The following NUDC variants were observed in gnomAD, a reference collection of about 807,000 sequenced individuals.
NUDC encodes nuclear distribution C, dynein complex regulator.
Under a neutral mutation model 45.0 loss-of-function variants are expected in NUDC, and 14 were observed. The ratio of observed to expected loss-of-function variants is 0.31; its 90% CI spans 0.21 to 0.49. The LOEUF (loss-of-function observed/expected upper bound fraction) is 0.49, where lower values mean the gene tolerates loss of function less well. NUDC is among the 20% of genes least tolerant of loss of function. The probability of loss-of-function intolerance (pLI) is 0.99; values close to 1 mark genes in which losing one functional copy is unlikely to be tolerated. For synonymous variants in NUDC, 153 were observed against 156.7 expected (o/e 0.98, Z 0.17); for missense variants, 323 against 426.2 (o/e 0.76, Z 2.13).
chr1:26,918,279 C>CTTT (rs749407425), upstream of NUDC, among the ~76,000 whole-genome samples: 24 of 113,794 alleles, frequency 2.1e-4, no homozygotes, highest in Non-Finnish European at 2.9e-4. Flanking sequence ...TCAAGTGATT[C>CTTT]TTTTTTTTTT....
intron 6 of NUDC, among the ~76,000 whole-genome samples, chr1:26,944,487 T>G (rs949600100): frequency 6.6e-6 from 1 of 152,128 alleles, no homozygotes; most frequent in Non-Finnish European, 1.5e-5. Context: ...TAGGAGCCAC[T>G]GCACCTGGCA....
At chr1:26,924,350 T>C (rs541364461) in intron 2 of NUDC, among the ~76,000 whole-genome samples, 184 bp downstream of exon 2, 2 of 152,290 alleles carry the variant, frequency 1.3e-5, no homozygotes, top group South Asian at 4.1e-4. Flanking sequence ...TCTATCTACC[T>C]TATTTCCCAT....
At chr1:26,927,203 A>AGTGTGTGTGTGTGTGTGTGTGTGTGT (rs2082139971) in intron 2 of NUDC, among the ~76,000 whole-genome samples, 1 of 121,990 alleles carries the variant, frequency 8.2e-6, no homozygotes, top group African/African-American at 3.6e-5. Flanking sequence ...TGTGTGTGTC[A>AGTGTGTGTGTGTGTGTGTGTGTGTGT]GGGTCTTGCT....
chr1:26,913,817 T>C (rs1383981858), intron 3 of NUDC: 4 of 1,514,180 alleles, frequency 2.6e-6, no homozygotes, highest in East Asian at 2.3e-5. Flanking sequence ...CGGTGCTGCC[T>C]ACATAGGCAG....
At chr1:26,935,215 C>T (rs1238423865) in intron 2 of NUDC, among the ~76,000 whole-genome samples, 2 of 152,020 alleles carry the variant, frequency 1.3e-5, no homozygotes, top group Non-Finnish European at 2.9e-5. Context: ...CTCCTGACGT[C>T]AGGTGTTCCG....
intron 2 of NUDC, among the ~76,000 whole-genome samples, chr1:26,904,367 A>G (rs948571928): frequency 6.6e-6 from 1 of 151,888 alleles, no homozygotes; most frequent in Admixed American, 6.6e-5. Context: ...ACGGGGTTTC[A>G]TCATGTTGAC....
At chr1:26,942,588 C>A (rs1434546728) in intron 4 of NUDC, 72 bp from the exon 5 acceptor site, 2 of 1,600,624 alleles carry the variant, frequency 1.2e-6, no homozygotes, top group East Asian at 4.5e-5. Context: ...TAGCCCTGGG[C>A]TTGGCCCAGT....
At chr1:26,903,904 G>C (rs899453137) in intron 2 of NUDC, among the ~76,000 whole-genome samples, 1 of 150,952 alleles carries the variant, frequency 6.6e-6, no homozygotes, top group Non-Finnish European at 1.5e-5. Flanking sequence ...CCAGCTACTC[G>C]GGAGGCTGAG....
rs777785635 is a variant in NUDC at position 26,945,414 on chromosome 1, C to T, written c.766C>T (p.Arg256Cys). The T allele has an allele frequency of 1.1e-5, 18 of 1,605,876 alleles. No individual in the cohort carries two copies. The Admixed American group carries it at 2.2e-4, about 20-fold the overall frequency. ...EKINKMEWWSRLVSSDPEINT... is the reference protein window; with the variant it reads ...EKINKMEWWSCLVSSDPEINT... Reference sequence around the variant, plus strand: ...GATCAATAAGATGGAGTGGTGGAGCCGCTTGGTGTCCAGTGACCCTGAGAT... The same window carrying T: ...GATCAATAAGATGGAGTGGTGGAGCTGCTTGGTGTCCAGTGACCCTGAGAT... The change falls in exon 7 of 9, where the codon CGC becomes TGC. Residue 256 changes from arginine (R) to cysteine (C), a missense_variant. Arg to Cys is a radical substitution (Grantham distance 180). Transcript: ENST00000321265.
In NUDC at chr1:26,941,796, G is replaced by A. The variant is rs2082279436; in HGVS notation, c.407G>A (p.Ser136Asn). 3 of 1,613,438 alleles carry A rather than the reference G, an allele frequency of 1.9e-6. No homozygotes were observed. The East Asian group carries it at 6.7e-5, about 36-fold the overall frequency. Residue 136 changes from serine (S) to asparagine (N), a missense_variant, in exon 4 of 9, where the codon AGC becomes AAC. This residue lies in a region of NUDC where 245 missense variants were observed against 278.8 expected (regional missense o/e 0.88). Coordinates refer to ENST00000321265, the MANE Select transcript of NUDC (RefSeq NM_006600.4). ...CATGAGGCCCAGCTCAAGAACGGCA[G>A]CCTTGACTCCCCAGGGAAGCAGGTG... ...ENHEAQLKNG[S>N]LDSPGKQDTE...
At chr1:26,936,432 C>T (rs1220932685) in intron 2 of NUDC, among the ~76,000 whole-genome samples, 3 of 150,986 alleles carry the variant, frequency 2.0e-5, no homozygotes, top group Admixed American at 6.6e-5. Flanking sequence ...TCAGGTGATC[C>T]GCCTGCCTCG....
intron 2 of NUDC, among the ~76,000 whole-genome samples, chr1:26,904,359 G>T (rs530207629): frequency 6.6e-6 from 1 of 151,572 alleles, no homozygotes; most frequent in African/African-American, 2.4e-5. Flanking sequence ...TAGTAGAGAC[G>T]GGGTTTCATC....
Position 26,925,490 on chromosome 1 carries a change from G to A in NUDC, c.159+1324G>A, listed in dbSNP as rs535515097. Among the ~76,000 whole-genome samples, 146 of 135,710 alleles carry A rather than the reference G, an allele frequency of 1.1e-3. 3 individuals carry two copies. The highest frequency in any genetic ancestry group is 3.9e-3 in the African/African-American group (140 of 35,544). The allele number at this position is 135,710 out of a possible 152,430, so 89.0% of individuals were successfully genotyped here. ...CGGGGGGCGGAGCTTGCAGTGAGCC[G>A]AGATCGCGCCATTGCACTCCAGCCT... On this transcript the variant is annotated intron_variant, in intron 2 of 8. Coordinates refer to ENST00000321265, the MANE Select transcript of NUDC (RefSeq NM_006600.4).
chr1:26,931,734 G>A (rs887759370), intron 2 of NUDC, among the ~76,000 whole-genome samples: 6 of 149,166 alleles, frequency 4.0e-5, no homozygotes, highest in South Asian at 2.2e-4. Context: ...AGCCAAGATC[G>A]CCACTGCACT....
At position 26,941,613 on chromosome 1, in the gene NUDC, G is replaced by C. The variant is rs2082277477; in HGVS notation, c.316G>C (p.Glu106Gln). Residue 106 changes from glutamate to glutamine, a missense_variant, in exon 3 of 9, where the codon GAG becomes CAG. By Grantham distance (29) the Glu-to-Gln change is conservative. This residue lies in a region of NUDC where 245 missense variants were observed against 278.8 expected (regional missense o/e 0.88). Coordinates refer to ENST00000321265, the MANE Select transcript of NUDC (RefSeq NM_006600.4). ...KSETSGPQIK[E>Q]LTDEEAERLQ... is the part of the protein sequence containing the mutation. ...AGAGACCTCAGGGCCCCAGATCAAG[G>C]AGCTAACTGATGAAGAGGCAGAGAG... is the stretch of plus-strand genomic sequence containing the variant. The C allele has an allele frequency of 1.2e-6, 2 of 1,612,542 alleles. No individual in the cohort carries two copies. Among genetic ancestry groups the C allele is most frequent in the Non-Finnish European group, 1.7e-6 (2 of 1,179,372 alleles).
chr1:26,910,046 C>T (rs1261631693), intron 2 of NUDC, among the ~76,000 whole-genome samples: 1 of 152,130 alleles, frequency 6.6e-6, no homozygotes, highest in Non-Finnish European at 1.5e-5. Context: ...AGACACAGGT[C>T]TGCCTACTTA....
At chr1:26,924,062 T>C in intron 1 of NUDC, 27 bp from the exon 2 acceptor site, 1 of 1,610,448 alleles carries the variant, frequency 6.2e-7, no homozygotes, top group Non-Finnish European at 8.5e-7. Context: ...GCAGCTCTAC[T>C]ACTTTAATCT....
At chr1:26,942,351 CAG>C (rs951780132) in intron 4 of NUDC, among the ~76,000 whole-genome samples, 58 of 152,304 alleles carry the variant, frequency 3.8e-4, no homozygotes, top group African/African-American at 1.4e-3. Context: ...ACCCAATAGC[CAG>C]AGAGGGCAGT....
At chr1:26,926,859 A>G (rs1204716814) in intron 2 of NUDC, among the ~76,000 whole-genome samples, 1 of 152,002 alleles carries the variant, frequency 6.6e-6, no homozygotes, top group Non-Finnish European at 1.5e-5. Flanking sequence ...TCAGCCTCCC[A>G]AAGTGCTGGG....
Sources: allele counts gnomAD v4.1 joint callset (sites outside exome capture counted in the v4.1 genomes callset), GRCh38; gene constraint gnomAD v4.1.1; regional missense constraint gnomAD v4.1.1; transcripts MANE v1.5; gene names NCBI Gene and HGNC (gene_info 2026-07-23, HGNC 2026-07-21).